TECTA: variants seen among roughly 807,000 people sequenced by gnomAD.
The protein encoded by TECTA is tectorin alpha, also known as alpha-tectorin.
In TECTA, 128 loss-of-function variants were observed where a neutral mutation model predicts 216.8. The ratio of observed to expected loss-of-function variants is 0.59; its 90% CI spans 0.51 to 0.68. The LOEUF is 0.68. Ranked by LOEUF, TECTA falls within the 30% of genes least tolerant of loss-of-function variation. The pLI, the probability that TECTA is intolerant of heterozygous loss-of-function variation, is 0.00. For missense variants in TECTA, 2,551 were observed against 2,786.2 expected (o/e 0.92, Z 1.90); for synonymous variants, 1,089 against 1,117.1 (o/e 0.97, Z 0.50).
At position 121,158,138 on chromosome 11, in the gene TECTA, T is replaced by C; in HGVS notation, c.4603T>C (p.Ser1535Pro). The change falls in exon 14 of 24, where the codon TCG becomes CCG. Residue 1535 changes from serine (S) to proline (P), a missense_variant. Ser to Pro is a moderately conservative substitution (Grantham distance 74). Transcript: ENST00000392793. ...GCTTATCATCAACTTCGACAAGTGG[T>C]CGGCCCCCAACCTCACCATCATTTC... ...FQLIINFDKWSAPNLTIISPV... is the reference protein window; with the variant it reads ...FQLIINFDKWPAPNLTIISPV... The C allele has an allele frequency of 6.2e-7, 1 of 1,614,188 alleles. No individual in the cohort carries two copies. The highest frequency in any genetic ancestry group is 8.5e-7 in the Non-Finnish European group (1 of 1,180,040).
At chr11:121,136,213 A>G (rs980392047) in intron 10 of TECTA, among the ~76,000 whole-genome samples, 1 of 152,070 alleles carries the variant, frequency 6.6e-6, no homozygotes, top group Non-Finnish European at 1.5e-5. Context: ...CACCCGCCTC[A>G]GCCTCCCAAA....
At chr11:121,142,034 C>T (rs924060019) in intron 11 of TECTA, among the ~76,000 whole-genome samples, 10 of 152,196 alleles carry the variant, frequency 6.6e-5, no homozygotes, top group South Asian at 6.2e-4. Context: ...TTACACTTGC[C>T]AGGCCAGGAA....
At chr11:121,103,834 A>T (rs1256558266) in intron 2 of TECTA, among the ~76,000 whole-genome samples, 1 of 152,140 alleles carries the variant, frequency 6.6e-6, no homozygotes, top group African/African-American at 2.4e-5. Context: ...AGATATTCTT[A>T]ATGTTTGTAT....
chr11:121,139,810 G>A (rs934589393), intron 11 of TECTA, among the ~76,000 whole-genome samples: 3 of 152,254 alleles, frequency 2.0e-5, no homozygotes, highest in Non-Finnish European at 4.4e-5. Flanking sequence ...AGGCAAGTTA[G>A]GAGTGTGTCA....
At chr11:121,182,749 C>A (rs1461636922) in intron 20 of TECTA, among the ~76,000 whole-genome samples, 1 of 152,080 alleles carries the variant, frequency 6.6e-6, no homozygotes, top group Non-Finnish European at 1.5e-5. Context: ...GGTGGCAACA[C>A]GTTGGTTAGG....
In TECTA at chr11:121,119,091, A is replaced by G. The variant is rs563225055; in HGVS notation, c.1203+373A>G. ...TTTCTCATGGTCCTGGCTTGCAATA[A>G]TTGTAGCCACATAGCCATGCCCTGG... On this transcript the variant is annotated intron_variant, in intron 7 of 23. Coordinates refer to ENST00000392793, the MANE Select transcript of TECTA (RefSeq NM_005422.4). Among the ~76,000 whole-genome samples the G allele has an allele frequency of 3.3e-5, 5 of 152,214 alleles. No individual in the cohort carries two copies. In the East Asian group the frequency reaches 9.7e-4, roughly 29 times the overall value.
In TECTA at chr11:121,118,747, A is replaced by C. The variant is rs750832005; in HGVS notation, c.1203+29A>C. ...AGCCCCTTTCTATCCTTCACGGGGA[A>C]ATGGAGAAGCTGGAGATTCTTCAGC... is the stretch of plus-strand genomic sequence containing the variant. On this transcript the variant is annotated intron_variant, in intron 7 of 23. Transcript: ENST00000392793. 2.4e-5 allele frequency: 39 copies of C among 1,612,158 alleles called. No homozygotes were observed. The South Asian group carries it at 4.3e-4, about 18-fold the overall frequency.
Position 121,189,833 on chromosome 11 carries a change from G to C in TECTA, c.6320G>C (p.Cys2107Ser). The C allele has an allele frequency of 6.2e-7, 1 of 1,613,876 alleles. No individual in the cohort carries two copies. Residue 2107 changes from cysteine (C) to serine (S), a missense_variant, in exon 23 of 24, where the codon TGC (cysteine) becomes TCC (serine). Physicochemically the swap from Cys to Ser is moderately radical, Grantham distance 112 (BLOSUM62 -1). Coordinates refer to ENST00000392793, the MANE Select transcript of TECTA (RefSeq NM_005422.4). ...ICTSRVDGPL[C>S]SCVTGTLQED... ...ACGAGCCGGGTGGATGGGCCTCTCT[G>C]CAGCTGTGTAACAGGAACCCTGCAG...
At chr11:121,175,363 A>G (rs1947154968) in intron 20 of TECTA, among the ~76,000 whole-genome samples, 1 of 150,856 alleles carries the variant, frequency 6.6e-6, no homozygotes, top group South Asian at 2.1e-4. Context: ...CACTGCTTTG[A>G]GTGTGTCCCA....
intron 14 of TECTA, among the ~76,000 whole-genome samples, 179 bp downstream of exon 14, chr11:121,158,403 G>A (rs1946966320): frequency 6.6e-6 from 1 of 152,188 alleles, no homozygotes. Flanking sequence ...GCCTGAGAAT[G>A]GACACCATTT....
chr11:121,124,269 A>G (rs1486756326), intron 7 of TECTA, among the ~76,000 whole-genome samples: 1 of 152,170 alleles, frequency 6.6e-6, no homozygotes, highest in Admixed American at 6.5e-5. Flanking sequence ...AGAAAGGCAT[A>G]AATGCGTATT....
chr11:121,116,484 G>A (rs533578667), intron 6 of TECTA, among the ~76,000 whole-genome samples: 64 of 152,334 alleles, frequency 4.2e-4, no homozygotes, highest in African/African-American at 1.2e-3. Flanking sequence ...GCAGAGCTGC[G>A]GAGTTGGTCA....
chr11:121,106,397 G>C (rs532172672), intron 3 of TECTA, among the ~76,000 whole-genome samples: 1 of 152,310 alleles, frequency 6.6e-6, no homozygotes, highest in South Asian at 2.1e-4. Context: ...AACACAGTAG[G>C]GGGGTAATCA....
Position 121,189,139 on chromosome 11 carries a change from C to A in TECTA, c.6222C>A (p.Ile2074=). ...TDYTKEPKEQ[I]ISVGPIRRKR... is the part of the protein sequence containing the mutation. Reference sequence around the variant, plus strand: ...ACACAAAAGAGCCCAAAGAACAGATCATTTCAGTGGGACCTATTAGGAGAA... The same window carrying A: ...ACACAAAAGAGCCCAAAGAACAGATAATTTCAGTGGGACCTATTAGGAGAA... The change falls in exon 22 of 24, where the codon ATC becomes ATA. Residue 2074 remains isoleucine (I), a synonymous_variant. Coordinates refer to ENST00000392793, the MANE Select transcript of TECTA (RefSeq NM_005422.4). 1 of 1,614,122 alleles carries A rather than the reference C, an allele frequency of 6.2e-7. No individual in the cohort carries two copies. Among genetic ancestry groups the A allele is most frequent in the Non-Finnish European group, 8.5e-7 (1 of 1,180,006 alleles).
At position 121,129,960 on chromosome 11, in the gene TECTA, A is replaced by G; in HGVS notation, c.2690A>G (p.Asn897Ser). ...TGTGGGGACCTGCTGAAGGCCTGCAACAATGACTCGGAGCTGCTCAAGTTT... is the reference window on the plus strand; with the variant it reads ...TGTGGGGACCTGCTGAAGGCCTGCAGCAATGACTCGGAGCTGCTCAAGTTT... Reference protein sequence around the residue: ...GECGDLLKACNNDSELLKFYR... With the variant: ...GECGDLLKACSNDSELLKFYR... The change falls in exon 10 of 24, where the codon AAC becomes AGC. Residue 897 changes from asparagine (N) to serine (S), a missense_variant. This residue lies in a region of TECTA where 2,375 missense variants were observed against 2,563.9 expected (regional missense o/e 0.93). Transcript: ENST00000392793. The G allele has an allele frequency of 6.2e-7, 1 of 1,607,008 alleles. No individual in the cohort carries two copies.
intron 22 of TECTA, 77 bp from the exon 23 acceptor site, chr11:121,189,687 T>G: frequency 7.0e-7 from 1 of 1,437,538 alleles, no homozygotes; most frequent in South Asian, 1.1e-5. Flanking sequence ...CCTCCTCTCT[T>G]TTTAAAGCCC....
rs767359767 is a variant in TECTA at position 121,137,683 on chromosome 11, C to T, written c.3204C>T (p.Asn1068=). Residue 1068 remains asparagine (N), a synonymous_variant, in exon 11 of 24, where the codon AAC becomes AAT. Coordinates refer to ENST00000392793, the MANE Select transcript of TECTA (RefSeq NM_005422.4). ...TCTGCTATTGCAGTGGCACAGACAA[C>T]AGGGTCCACTGCGAGACCATTCCCT... ...QIFCYCSGTD[N]RVHCETIPCK... is the part of the protein sequence containing the mutation. 2.5e-6 allele frequency: 4 copies of T among 1,613,986 alleles called. No individual in the cohort carries two copies. The highest frequency in any genetic ancestry group is 2.2e-5 in the South Asian group (2 of 91,078).
chr11:121,155,240 T>A (rs1946929859), intron 13 of TECTA, among the ~76,000 whole-genome samples: 1 of 152,246 alleles, frequency 6.6e-6, no homozygotes, highest in African/African-American at 2.4e-5. Flanking sequence ...CATTTTACCG[T>A]GATGCTAGTT....
chr11:121,163,128 C>T (rs1248039701), intron 16 of TECTA, among the ~76,000 whole-genome samples: 1 of 152,138 alleles, frequency 6.6e-6, no homozygotes, highest in Non-Finnish European at 1.5e-5. Context: ...AGTGTGTATA[C>T]AGGTACCACT....
Sources: gnomAD v4.1 joint callset for allele counts (sites outside exome capture counted in the v4.1 genomes callset) on GRCh38, gnomAD v4.1.1 for gene constraint, gnomAD v4.1.1 regional missense constraint, MANE v1.5 for transcripts, NCBI Gene and HGNC (gene_info 2026-07-23, HGNC 2026-07-21) for gene names.